The following NRXN3 variants were observed in gnomAD, a reference collection of about 807,000 sequenced individuals.
NRXN3 encodes the protein neurexin III.
A neutral mutation model predicts 137.6 loss-of-function variants in NRXN3; 32 were observed. The observed-to-expected ratio is 0.23, with a 90% CI of 0.18 to 0.31. The LOEUF is 0.31. NRXN3 is among the 10% of genes least tolerant of loss of function. NRXN3 has a pLI of 1.00. For synonymous variants in NRXN3, 798 were observed against 784.5 expected (o/e 1.02, Z -0.29); for missense variants, 1,574 against 2,062.5 (o/e 0.76, Z 4.59).
chr14:78,186,137 A>G (rs1199705693), intron 1 of NRXN3, among the ~76,000 whole-genome samples: 2 of 152,366 alleles, frequency 1.3e-5, no homozygotes, highest in South Asian at 2.1e-4. Flanking sequence ...AATCTAGTCC[A>G]TGGAGGTACA....
intron 15 of NRXN3, chr14:79,281,892 A>G (rs2081335307): frequency 6.6e-6 from 1 of 152,238 alleles, no homozygotes; most frequent in Non-Finnish European, 1.5e-5. Context: ...CTTTGGCTTT[A>G]TGCTGTCTGT....
intron 8 of NRXN3, among the ~76,000 whole-genome samples, chr14:78,768,683 C>T (rs554985485): frequency 6.6e-5 from 10 of 152,240 alleles, no homozygotes; most frequent in African/African-American, 2.4e-4. Context: ...TCCTTAAAGG[C>T]CCGGCACAGT....
chr14:78,511,291 G>T (rs2096102600), intron 4 of NRXN3, among the ~76,000 whole-genome samples: 1 of 152,176 alleles, frequency 6.6e-6, no homozygotes, highest in African/African-American at 2.4e-5. Flanking sequence ...TGATTCAGTT[G>T]GTGTGTCTTG....
chr14:79,427,492 G>A (rs1157296200), intron 15 of NRXN3, among the ~76,000 whole-genome samples: 6 of 152,056 alleles, frequency 3.9e-5, no homozygotes, highest in South Asian at 4.1e-4. Context: ...TGTTCTTCTT[G>A]AAAGATACAT....
At chr14:78,651,906 T>G (rs550705289) in intron 6 of NRXN3, among the ~76,000 whole-genome samples, 68 of 152,154 alleles carry the variant, frequency 4.5e-4, no homozygotes, top group Non-Finnish European at 8.4e-4. Context: ...AGCCAAACCA[T>G]GTCAAGTACC....
intron 2 of NRXN3, among the ~76,000 whole-genome samples, chr14:78,254,399 G>T (rs2069152808): frequency 6.6e-6 from 1 of 152,152 alleles, no homozygotes; most frequent in African/African-American, 2.4e-5. Context: ...AAAACATGGG[G>T]GCTGGGGACG....
intron 19 of NRXN3, among the ~76,000 whole-genome samples, chr14:79,775,767 A>T (rs565038372): frequency 1.3e-3 from 200 of 152,148 alleles, no homozygotes; most frequent in Non-Finnish European, 2.4e-3. Flanking sequence ...TTCTCATGTT[A>T]TGAGCTGAAG....
At chr14:79,617,183 A>T (rs1279823413) in intron 16 of NRXN3, among the ~76,000 whole-genome samples, 1 of 152,172 alleles carries the variant, frequency 6.6e-6, no homozygotes, top group Non-Finnish European at 1.5e-5. Context: ...TGTTTCAGGG[A>T]TATACCAAAA....
intron 16 of NRXN3, among the ~76,000 whole-genome samples, chr14:79,504,132 A>G (rs1341895862): frequency 6.6e-6 from 1 of 152,162 alleles, no homozygotes; most frequent in Non-Finnish European, 1.5e-5. Flanking sequence ...TTTCTACTAA[A>G]TGACCTCTCT....
chr14:79,057,870 TA>T (rs1002078535), intron 15 of NRXN3, among the ~76,000 whole-genome samples: 7 of 151,586 alleles, frequency 4.6e-5, no homozygotes, highest in Non-Finnish European at 7.4e-5. Context: ...GAGACGAGGT[TA>T]AAAAAAAGGC....
Position 78,803,728 on chromosome 14 carries a change from C to G in NRXN3, c.2153C>G (p.Ala718Gly). 6.2e-7 allele frequency: 1 copy of G among 1,614,016 alleles called. No individual in the cohort carries two copies. Among genetic ancestry groups the G allele is most frequent in the Non-Finnish European group, 8.5e-7 (1 of 1,179,950 alleles). ...TCCTTCCGCTTCATGTCCCAGCGAG[C>G]TTATGGGCTGCTGGTGGCTACGACC... ...DVSFRFMSQR[A>G]YGLLVATTSR... is the part of the protein sequence containing the mutation. Residue 718 changes from alanine to glycine, a missense_variant, in exon 9 of 21, where the codon GCT becomes GGT. This residue lies in a region of NRXN3 where 718 missense variants were observed against 887.6 expected (regional missense o/e 0.81). Transcript: ENST00000335750.
At chr14:78,476,206 T>G (rs1165668955) in intron 4 of NRXN3, among the ~76,000 whole-genome samples, 1 of 152,240 alleles carries the variant, frequency 6.6e-6, no homozygotes, top group East Asian at 1.9e-4. Flanking sequence ...GTGCCTAATT[T>G]TTTTAGGCCA....
chr14:78,336,452 G>A (rs1443968452), intron 4 of NRXN3, among the ~76,000 whole-genome samples: 3 of 152,112 alleles, frequency 2.0e-5, no homozygotes, highest in East Asian at 3.9e-4. Flanking sequence ...TTTGCTCCTG[G>A]CAGTGTTCTA....
At chr14:79,489,345 C>T (rs376014937) in intron 16 of NRXN3, among the ~76,000 whole-genome samples, 4 of 152,180 alleles carry the variant, frequency 2.6e-5, no homozygotes, top group Admixed American at 6.5e-5. Flanking sequence ...GGTGATTCTC[C>T]GAGGATTTAT....
chr14:78,731,695 C>CTA (rs916872645), intron 8 of NRXN3, among the ~76,000 whole-genome samples: 9 of 148,744 alleles, frequency 6.1e-5, no homozygotes, highest in Admixed American at 4.1e-4. Context: ...ATATTCTATT[C>CTA]TATATATATA....
chr14:79,761,666 C>G (rs1039891938), intron 19 of NRXN3, among the ~76,000 whole-genome samples: 53 of 100,390 alleles, frequency 5.3e-4, no homozygotes, highest in African/African-American at 2.3e-3. Flanking sequence ...AGCCTGGCAA[C>G]AAAGCGAGAC....
Position 78,957,370 on chromosome 14 carries a change from G to T in NRXN3, c.2395+9G>T. 6.2e-7 allele frequency: 1 copy of T among 1,608,562 alleles called. No individual in the cohort carries two copies. Among genetic ancestry groups the T allele is most frequent in the South Asian group, 1.1e-5 (1 of 90,668 alleles). On this transcript the variant is annotated intron_variant, in intron 11 of 20. Transcript: ENST00000335750. ...TGATGATGTGGCTGAGGGTGAGTATGACTATGGTGAAATTCGTCTGTCTTT... is the reference window on the plus strand; with the variant it reads ...TGATGATGTGGCTGAGGGTGAGTATTACTATGGTGAAATTCGTCTGTCTTT...
rs144375840 is a variant in NRXN3, at chr14:78,367,367, A to G, written c.757+69507A>G. On this transcript the variant is annotated intron_variant, in intron 4 of 20. Transcript: ENST00000335750. ...TGTCCCTTGGAAGTTACTAATTTCC[A>G]TGAGCTAAATTAAAAAATCAATCAA... 5.1e-3 allele frequency among the ~76,000 whole-genome samples: 770 copies of G among 152,228 alleles called. 10 individuals are homozygous for G. Among genetic ancestry groups the G allele is most frequent in the African/African-American group, 0.017 (725 of 41,542 alleles).
chr14:78,785,960 A>G (rs756626700), intron 8 of NRXN3, among the ~76,000 whole-genome samples: 7 of 152,226 alleles, frequency 4.6e-5, no homozygotes, highest in Non-Finnish European at 7.3e-5. Flanking sequence ...AATCTGAAAT[A>G]TGCTGTTTAC....
Sources: gnomAD v4.1 joint callset for allele counts (sites outside exome capture counted in the v4.1 genomes callset) on GRCh38, gnomAD v4.1.1 for gene constraint, gnomAD v4.1.1 regional missense constraint, MANE v1.5 for transcripts, NCBI Gene and HGNC (gene_info 2026-07-23, HGNC 2026-07-21) for gene names.